The following CNTN5 variants were observed in gnomAD, a reference collection of about 807,000 sequenced individuals.
CNTN5 encodes the protein contactin-5.
Under a neutral mutation model 129.1 loss-of-function variants are expected in CNTN5, and 77 were observed. The ratio of observed to expected loss-of-function variants is 0.60; its 90% CI spans 0.50 to 0.72. The LOEUF (loss-of-function observed/expected upper bound fraction) is 0.72, where lower values mean the gene tolerates loss of function less well. Among genes scored for constraint, CNTN5 ranks in the 30% least tolerant of loss-of-function variants. CNTN5 has a pLI of 0.00. For missense variants in CNTN5, 1,478 were observed against 1,328.8 expected (o/e 1.11, Z -1.75); for synonymous variants, 509 against 465.6 (o/e 1.09, Z -1.20).
chr11:99,854,794 C>A (rs377687420), intron 6 of CNTN5, among the ~76,000 whole-genome samples: 6 of 151,972 alleles, frequency 3.9e-5, no homozygotes, highest in African/African-American at 1.4e-4. Flanking sequence ...CTCAATAAAA[C>A]CATGGAAATG....
At chr11:99,339,871 A>G (rs1866430138) in intron 2 of CNTN5, among the ~76,000 whole-genome samples, 1 of 152,002 alleles carries the variant, frequency 6.6e-6, no homozygotes, top group East Asian at 1.9e-4. Context: ...GAAAAAAGTG[A>G]GATAAGAGAG....
intron 9 of CNTN5, among the ~76,000 whole-genome samples, chr11:100,025,348 C>T (rs935123121): frequency 6.6e-6 from 1 of 152,168 alleles, no homozygotes; most frequent in Non-Finnish European, 1.5e-5. Flanking sequence ...TATGAAAATG[C>T]CTAGATGTCC....
chr11:99,087,240 C>T (rs1261359608), intron 1 of CNTN5, among the ~76,000 whole-genome samples: 3 of 152,130 alleles, frequency 2.0e-5, no homozygotes, highest in South Asian at 4.1e-4. Flanking sequence ...AGAGAGGATA[C>T]CTGAGTTATC....
intron 13 of CNTN5, among the ~76,000 whole-genome samples, chr11:100,096,665 G>C (rs926559223): frequency 6.6e-6 from 1 of 152,136 alleles, no homozygotes; most frequent in East Asian, 1.9e-4. Context: ...CTTATATCCA[G>C]TTCCCAAGTA....
At chr11:99,777,420 C>T (rs374739976) in intron 3 of CNTN5, among the ~76,000 whole-genome samples, 3 of 151,654 alleles carry the variant, frequency 2.0e-5, no homozygotes, top group Admixed American at 6.6e-5. Context: ...AAATAAATCA[C>T]GAATGTATAA....
chr11:99,216,389 C>A (rs191684352), intron 1 of CNTN5, among the ~76,000 whole-genome samples: 1 of 152,156 alleles, frequency 6.6e-6, no homozygotes, highest in East Asian at 1.9e-4. Flanking sequence ...TTTTCTTTAC[C>A]CATTCATCCA....
Position 100,356,150 on chromosome 11 carries a change from ACT to A in CNTN5, c.3241_3242del (p.Ser1081HisfsTer32), listed in dbSNP as rs1157950737. ...ATCACAAGTGCACAGTCGACCCTTCACTCTCTCTCCACATCTTCGTCATCAGT... is the reference window on the plus strand; with the variant it reads ...ATCACAAGTGCACAGTCGACCCTTCACTCTCTCCACATCTTCGTCATCAGT... On this transcript the variant is annotated frameshift_variant, in exon 25 of 25. Coordinates refer to ENST00000524871, the MANE Select transcript of CNTN5 (RefSeq NM_014361.4). LOFTEE classifies it high-confidence loss of function. 2 of 1,610,218 alleles carry A rather than the reference ACT, an allele frequency of 1.2e-6. No individual in the cohort carries two copies. The highest frequency in any genetic ancestry group is 1.3e-5 in the African/African-American group (1 of 74,706).
chr11:100,322,361 T>C (rs1292557248), intron 21 of CNTN5, among the ~76,000 whole-genome samples: 1 of 151,994 alleles, frequency 6.6e-6, no homozygotes, highest in African/African-American at 2.4e-5. Context: ...TAGCTGGGAC[T>C]ACAGGCGCCC....
At chr11:99,165,760 G>C (rs1485869357) in intron 1 of CNTN5, among the ~76,000 whole-genome samples, 1 of 152,084 alleles carries the variant, frequency 6.6e-6, no homozygotes, top group African/African-American at 2.4e-5. Flanking sequence ...CAAAATAAGA[G>C]ATCGCATCTA....
chr11:100,335,427 A>G (rs928517571), intron 21 of CNTN5, among the ~76,000 whole-genome samples: 1 of 152,174 alleles, frequency 6.6e-6, no homozygotes, highest in African/African-American at 2.4e-5. Context: ...CAGTTAAAAT[A>G]ATCATTATCT....
At chr11:99,506,038 A>T (rs1028459262) in intron 2 of CNTN5, among the ~76,000 whole-genome samples, 2 of 152,212 alleles carry the variant, frequency 1.3e-5, no homozygotes, top group African/African-American at 4.8e-5. Flanking sequence ...AATAAACAGG[A>T]GGTAATCCCT....
chr11:99,170,005 A>G (rs1861067359), intron 1 of CNTN5, among the ~76,000 whole-genome samples: 1 of 152,130 alleles, frequency 6.6e-6, no homozygotes, highest in African/African-American at 2.4e-5. Context: ...AAAGACAAAG[A>G]TTACTTCTTG....
At chr11:99,327,367 T>C (rs282491) in intron 2 of CNTN5, among the ~76,000 whole-genome samples, 45,697 of 151,988 alleles carry the variant, frequency 0.3, 7,260 homozygotes, top group African/African-American at 0.42. Flanking sequence ...ACCAACCAAA[T>C]TGTATTAAAT....
chr11:100,306,104 G>A (rs1233508176), intron 20 of CNTN5, among the ~76,000 whole-genome samples: 1 of 151,434 alleles, frequency 6.6e-6, no homozygotes, highest in East Asian at 1.9e-4. Context: ...TTCAGTTCTT[G>A]TTTGATTGAT....
At chr11:100,139,873 G>A (rs1222916719) in intron 13 of CNTN5, among the ~76,000 whole-genome samples, 1 of 151,978 alleles carries the variant, frequency 6.6e-6, no homozygotes, top group Admixed American at 6.6e-5. Flanking sequence ...AAAGAAGAAA[G>A]AAAATAATAG....
intron 13 of CNTN5, among the ~76,000 whole-genome samples, chr11:100,144,210 A>G (rs1023720481): frequency 2.0e-5 from 3 of 152,054 alleles, no homozygotes; most frequent in Admixed American, 2.0e-4. Flanking sequence ...TGGTTAAACA[A>G]GTTTTTTTAT....
chr11:99,610,090 A>T (rs970061095), intron 3 of CNTN5, among the ~76,000 whole-genome samples: 1 of 152,272 alleles, frequency 6.6e-6, no homozygotes, highest in Middle Eastern at 3.4e-3. Flanking sequence ...GATATATGGT[A>T]GAGCTTTGTC....
intron 17 of CNTN5, among the ~76,000 whole-genome samples, chr11:100,262,807 G>A (rs1024680863): frequency 1.3e-5 from 2 of 152,112 alleles, no homozygotes; most frequent in Non-Finnish European, 2.9e-5. Flanking sequence ...GGTCCTAGGG[G>A]AGGAATAGCA....
At chr11:99,435,550 A>G (rs185985991) in intron 2 of CNTN5, among the ~76,000 whole-genome samples, 1 of 152,358 alleles carries the variant, frequency 6.6e-6, no homozygotes, top group African/African-American at 2.4e-5. Context: ...ACATCTGGTT[A>G]CATGCATCTA....
Sources: allele counts gnomAD v4.1 joint callset (sites outside exome capture counted in the v4.1 genomes callset), GRCh38; gene constraint gnomAD v4.1.1; transcripts MANE v1.5; gene names NCBI Gene and HGNC (gene_info 2026-07-23, HGNC 2026-07-21).